AHCYL2: variants seen among roughly 807,000 people sequenced by gnomAD.
AHCYL2 encodes the protein S-adenosylhomocysteine hydrolase-like protein 2.
A neutral mutation model predicts 81.4 loss-of-function variants in AHCYL2; 28 were observed. That is an observed-to-expected ratio of 0.34 (90% confidence interval 0.25 to 0.47). AHCYL2 has a LOEUF of 0.47. AHCYL2 is among the 20% of genes least tolerant of loss of function. The probability of loss-of-function intolerance (pLI) is 1.00; values close to 1 mark genes in which losing one functional copy is unlikely to be tolerated. For synonymous variants in AHCYL2, 272 were observed against 290.2 expected, an observed-to-expected ratio of 0.94 and a Z score of 0.64; for missense variants, 551 against 785.1, an observed-to-expected ratio of 0.70 and a Z score of 3.56.
intron 1 of AHCYL2, among the ~76,000 whole-genome samples, chr7:129,244,085 A>T (rs958352664): frequency 6.6e-6 from 1 of 150,624 alleles, no homozygotes; most frequent in African/African-American, 2.5e-5. Flanking sequence ...TGCAGCCTTG[A>T]ACTCCTGGAC....
At chr7:129,380,103 A>C (rs1794887463) in intron 2 of AHCYL2, among the ~76,000 whole-genome samples, 1 of 152,164 alleles carries the variant, frequency 6.6e-6, no homozygotes. Flanking sequence ...AATAAAAAAG[A>C]AATTCTTCAT....
intron 1 of AHCYL2, among the ~76,000 whole-genome samples, chr7:129,370,376 T>C (rs967550995): frequency 6.9e-6 from 1 of 144,322 alleles, no homozygotes; most frequent in African/African-American, 2.6e-5. Context: ...CTCTTTAGTG[T>C]TGTGTCTTGG....
chr7:129,353,302 A>G (rs1328355646), intron 1 of AHCYL2, among the ~76,000 whole-genome samples: 1 of 152,102 alleles, frequency 6.6e-6, no homozygotes, highest in African/African-American at 2.4e-5. Flanking sequence ...CATTCACTAA[A>G]TTCCAGCCAC....
chr7:129,275,235 T>C (rs925862674), intron 1 of AHCYL2, among the ~76,000 whole-genome samples: 1 of 151,704 alleles, frequency 6.6e-6, no homozygotes, highest in Non-Finnish European at 1.5e-5. Flanking sequence ...ATACAAAAAT[T>C]AGCCAGGCAT....
chr7:129,264,300 G>A (rs1160944908), intron 1 of AHCYL2, among the ~76,000 whole-genome samples: 2 of 152,218 alleles, frequency 1.3e-5, no homozygotes, highest in Admixed American at 6.5e-5. Context: ...GATTACAGGC[G>A]TGAGCCACTG....
chr7:129,244,197 T>G (rs1209648661), intron 1 of AHCYL2, among the ~76,000 whole-genome samples: 1 of 150,282 alleles, frequency 6.7e-6, no homozygotes, highest in Non-Finnish European at 1.5e-5. Context: ...AGATACAGAG[T>G]CTTGCTATGT....
rs567361245 is a variant in AHCYL2, at chr7:129,408,222, C to T, written c.1296-1254C>T. On this transcript the variant is annotated intron_variant, in intron 10 of 16. Transcript: ENST00000325006. The stretch of plus-strand genomic sequence containing the variant: ...CCAAATTGCATTTAGGAAAATCACT[C>T]TGCCAAATGATTTAGAAAGATGTAA... Among the ~76,000 whole-genome samples, 3 of 152,318 alleles carry T rather than the reference C, an allele frequency of 2.0e-5. No individual in the cohort carries two copies. In the East Asian group the frequency reaches 5.8e-4, roughly 29 times the overall value.
At chr7:129,388,158 C>G (rs1236619256) in intron 2 of AHCYL2, 1 of 152,044 alleles carries the variant, frequency 6.6e-6, no homozygotes, top group African/African-American at 2.4e-5. Flanking sequence ...GTTTCTTAAC[C>G]CCCCAAAAAA....
intron 7 of AHCYL2, 147 bp from the exon 8 acceptor site, chr7:129,404,948 ATT>A (rs1796230627): frequency 2.1e-6 from 1 of 472,126 alleles, no homozygotes; most frequent in Non-Finnish European, 3.8e-6. Context: ...GATATTCTTT[ATT>A]TCTCAGTGGC....
At chr7:129,256,744 G>A (rs1294722714) in intron 1 of AHCYL2, among the ~76,000 whole-genome samples, 2 of 151,196 alleles carry the variant, frequency 1.3e-5, no homozygotes, top group East Asian at 1.9e-4. Flanking sequence ...ACACCTATGT[G>A]AATTATGTGG....
intron 1 of AHCYL2, among the ~76,000 whole-genome samples, chr7:129,357,716 C>G (rs993484310): frequency 6.6e-6 from 1 of 152,078 alleles, no homozygotes; most frequent in Non-Finnish European, 1.5e-5. Flanking sequence ...GGGTGGATCA[C>G]GAGGTCAGGA....
intron 1 of AHCYL2, among the ~76,000 whole-genome samples, chr7:129,301,824 T>C (rs1375392598): frequency 2.0e-5 from 3 of 152,144 alleles, no homozygotes; most frequent in Non-Finnish European, 4.4e-5. Flanking sequence ...TTTTTGCCCA[T>C]GATAGCTTTG....
In AHCYL2 at chr7:129,256,679, A is replaced by G. The variant is rs570266411; in HGVS notation, c.363+31240A>G. The stretch of plus-strand genomic sequence containing the variant: ...TTGTTGGTTATTTAAATTGTTTTCA[A>G]TATTTTGCCCTTACAATCAATACTG... On this transcript the variant is annotated intron_variant, in intron 1 of 16. Coordinates refer to ENST00000325006, the MANE Select transcript of AHCYL2 (RefSeq NM_015328.4). Among the ~76,000 whole-genome samples the G allele has an allele frequency of 1.3e-4, 20 of 151,998 alleles. 1 individual carries two copies. Among genetic ancestry groups the G allele is most frequent in the South Asian group, 1.0e-3 (5 of 4,820 alleles).
intron 1 of AHCYL2, among the ~76,000 whole-genome samples, chr7:129,300,101 T>A (rs1351167484): frequency 6.6e-6 from 1 of 152,164 alleles, no homozygotes; most frequent in Non-Finnish European, 1.5e-5. Flanking sequence ...TACATCAAGG[T>A]AAATGAGGGT....
At chr7:129,225,949 A>G (rs781667603) in intron 1 of AHCYL2, among the ~76,000 whole-genome samples, 5 of 152,162 alleles carry the variant, frequency 3.3e-5, no homozygotes, top group Non-Finnish European at 5.9e-5. Flanking sequence ...TCTGTGGCCA[A>G]CCGTGGCCAT....
intron 1 of AHCYL2, among the ~76,000 whole-genome samples, chr7:129,227,992 C>G (rs1054670773): frequency 3.3e-5 from 5 of 152,318 alleles, no homozygotes; most frequent in Admixed American, 1.3e-4. Context: ...CAAGACTGCC[C>G]TTTCCCTAAG....
At chr7:129,233,999 C>G (rs544650064) in intron 1 of AHCYL2, among the ~76,000 whole-genome samples, 301 of 152,064 alleles carry the variant, frequency 2.0e-3, no homozygotes, top group African/African-American at 6.7e-3. Flanking sequence ...CCCCCTCCCC[C>G]CTTCCTCCTC....
chr7:129,242,029 G>A (rs181226756), intron 1 of AHCYL2, among the ~76,000 whole-genome samples: 3 of 151,734 alleles, frequency 2.0e-5, no homozygotes, highest in Non-Finnish European at 4.4e-5. Flanking sequence ...AGTATCAATT[G>A]TATGTCAGCA....
intron 1 of AHCYL2, among the ~76,000 whole-genome samples, chr7:129,233,828 T>C (rs894735909): frequency 6.6e-6 from 1 of 152,148 alleles, no homozygotes; most frequent in African/African-American, 2.4e-5. Flanking sequence ...TAACCAGTCA[T>C]AGGCTTTATG....
Sources: gnomAD v4.1 joint callset for allele counts (sites outside exome capture counted in the v4.1 genomes callset) on GRCh38, gnomAD v4.1.1 for gene constraint, MANE v1.5 for transcripts, NCBI Gene and HGNC (gene_info 2026-07-23, HGNC 2026-07-21) for gene names.